Variants in SEMA3E observed in about 807,000 individuals in gnomAD.
SEMA3E encodes semaphorin 3E, also known as semaphorin-3E.
A neutral mutation model predicts 93.6 loss-of-function variants in SEMA3E; 49 were observed. The observed-to-expected ratio is 0.52, with a 90% confidence interval of 0.42 to 0.66. SEMA3E has a LOEUF of 0.66. SEMA3E is among the 30% of genes least tolerant of loss of function. SEMA3E has a pLI of 0.00. For synonymous variants in SEMA3E, 363 were observed against 330.7 expected (o/e 1.10, Z -1.06); for missense variants, 906 against 964.8 (o/e 0.94, Z 0.81).
At position 83,648,111 on chromosome 7, in the gene SEMA3E, A is replaced by G. The variant is rs73708519; in HGVS notation, c.115+317T>C. On this transcript the variant is annotated intron_variant, in intron 1 of 16. Transcript: ENST00000643230. ...TTGGTGGATTCAGCCTCTCAAGGCT[A>G]TTTTCAACCTGCTTCCTCCCTTCCT... 9.1e-3 allele frequency among the ~76,000 whole-genome samples: 1,384 copies of G among 152,252 alleles called. 19 individuals carry two copies. Among genetic ancestry groups the G allele is most frequent in the African/African-American group, 0.032 (1,316 of 41,550 alleles).
chr7:83,639,744 G>A (rs1793964846), intron 1 of SEMA3E, among the ~76,000 whole-genome samples: 2 of 150,224 alleles, frequency 1.3e-5, no homozygotes, highest in South Asian at 2.1e-4. Context: ...GCCTCAGTTC[G>A]ATGATTTAGC....
intron 4 of SEMA3E, among the ~76,000 whole-genome samples, chr7:83,444,804 G>A (rs966547599): frequency 4.0e-5 from 6 of 151,704 alleles, no homozygotes; most frequent in East Asian, 1.9e-4. Flanking sequence ...CAGAGCAGCC[G>A]GGACTACAGG....
chr7:83,375,739 T>C (rs10808304), intron 16 of SEMA3E, among the ~76,000 whole-genome samples: 144,595 of 152,072 alleles, frequency 0.95, 69,170 homozygotes, highest in East Asian at 1. Flanking sequence ...ATAACTGATA[T>C]CATAGATCTA....
At chr7:83,466,095 TTA>T (rs2115878816) in intron 4 of SEMA3E, among the ~76,000 whole-genome samples, 1 of 152,310 alleles carries the variant, frequency 6.6e-6, no homozygotes, top group South Asian at 2.1e-4. Flanking sequence ...TTGTAAAATA[TTA>T]TATTTTATTT....
chr7:83,647,969 T>C (rs1005402481), intron 1 of SEMA3E, among the ~76,000 whole-genome samples: 7 of 152,290 alleles, frequency 4.6e-5, no homozygotes, highest in African/African-American at 1.4e-4. Flanking sequence ...ACCTCCATTA[T>C]GGAAACAAAA....
chr7:83,400,098 G>T lies in SEMA3E; in HGVS notation c.1296C>A (p.Asn432Lys), dbSNP rs769637710. The T allele has an allele frequency of 3.7e-6, 6 of 1,613,974 alleles. No homozygotes were observed. The highest frequency in any genetic ancestry group is 3.3e-4 in the Middle Eastern group (2 of 6,058). ...PILVKTDGKY[N>K]LKQIAVDRVE... ...CTCGATCTACTGCTATTTGTTTCAG[G>T]TTATATTTTCCATCTGTTTTTACCA... The change falls in exon 11 of 17, where the codon AAC (asparagine) becomes AAA (lysine). Residue 432 changes from asparagine (N) to lysine (K), a missense_variant. Asn to Lys is a moderately conservative substitution (Grantham distance 94). Transcript: ENST00000643230.
At chr7:83,595,177 C>CT (rs1792844185) in intron 1 of SEMA3E, among the ~76,000 whole-genome samples, 1 of 151,976 alleles carries the variant, frequency 6.6e-6, no homozygotes, top group African/African-American at 2.4e-5. Context: ...AAGATTTCTT[C>CT]TTTTAAATAA....
intron 1 of SEMA3E, among the ~76,000 whole-genome samples, chr7:83,504,747 C>T (rs1053141093): frequency 2.0e-5 from 3 of 152,082 alleles, no homozygotes; most frequent in Admixed American, 6.5e-5. Context: ...GCAAATAGTA[C>T]CTAAGAAGAC....
intron 2 of SEMA3E, among the ~76,000 whole-genome samples, chr7:83,486,532 C>T (rs114103401): frequency 0.012 from 1,818 of 152,156 alleles, 41 homozygotes; most frequent in African/African-American, 0.04. Context: ...TGGTGAGCAC[C>T]GAAGAACTGA....
intron 2 of SEMA3E, among the ~76,000 whole-genome samples, chr7:83,488,786 G>C (rs1162921198): frequency 6.6e-6 from 1 of 152,022 alleles, no homozygotes; most frequent in Non-Finnish European, 1.5e-5. Flanking sequence ...GGAGCATGGA[G>C]GATACCTTCA....
chr7:83,461,168 G>A (rs1314509365), intron 4 of SEMA3E, among the ~76,000 whole-genome samples: 1 of 152,074 alleles, frequency 6.6e-6, no homozygotes, highest in Non-Finnish European at 1.5e-5. Flanking sequence ...GGTGCCTGAT[G>A]TCCAGACATT....
rs547656329 is a variant in SEMA3E, at chr7:83,390,506, A to G, written c.1667+2049T>C. On this transcript the variant is annotated intron_variant, in intron 14 of 16. Transcript: ENST00000643230. Reference sequence around the variant, plus strand: ...TTTAAACAAGTGGTTTGGATTGTGAATTACTGTTTTTCCCCTGTTGACTCA... The same window carrying G: ...TTTAAACAAGTGGTTTGGATTGTGAGTTACTGTTTTTCCCCTGTTGACTCA... Among the ~76,000 whole-genome samples the G allele has an allele frequency of 3.3e-5, 5 of 152,244 alleles. No individual in the cohort carries two copies. In the South Asian group the frequency reaches 1.0e-3, roughly 32 times the overall value.
intron 16 of SEMA3E, among the ~76,000 whole-genome samples, chr7:83,370,422 A>G (rs1290625080): frequency 6.6e-6 from 1 of 151,976 alleles, no homozygotes; most frequent in Non-Finnish European, 1.5e-5. Context: ...ACAAATTCCT[A>G]TTTACATTTC....
rs372592953 is a variant in SEMA3E at position 83,435,986 on chromosome 7, T to C, written c.457-17503A>G. Among the ~76,000 whole-genome samples the C allele has an allele frequency of 6.6e-5, 10 of 152,302 alleles. No individual in the cohort carries two copies. In the South Asian group the frequency reaches 1.9e-3, roughly 28 times the overall value. On this transcript the variant is annotated intron_variant, in intron 4 of 16. Coordinates refer to ENST00000643230, the MANE Select transcript of SEMA3E (RefSeq NM_012431.3). ...GTTGAGCTCATGTTGGAGCCTTTCTTTGTATAGATTACATTGATGTTAAAT... is the reference window on the plus strand; with the variant it reads ...GTTGAGCTCATGTTGGAGCCTTTCTCTGTATAGATTACATTGATGTTAAAT...
chr7:83,507,942 C>G (rs1258408773), intron 1 of SEMA3E, among the ~76,000 whole-genome samples: 1 of 151,792 alleles, frequency 6.6e-6, no homozygotes, highest in South Asian at 2.1e-4. Flanking sequence ...AAAGCAAAAC[C>G]CTGTCTCACA....
intron 16 of SEMA3E, among the ~76,000 whole-genome samples, chr7:83,381,565 G>T (rs1787780258): frequency 6.6e-6 from 1 of 151,370 alleles, no homozygotes; most frequent in African/African-American, 2.4e-5. Context: ...ATCATTATCT[G>T]ATATATTTAA....
chr7:83,604,741 C>T (rs956193162), intron 1 of SEMA3E, among the ~76,000 whole-genome samples: 2 of 151,962 alleles, frequency 1.3e-5, no homozygotes, highest in Non-Finnish European at 2.9e-5. Flanking sequence ...AGGTTTTAAG[C>T]CCCACATGCA....
Position 83,593,246 on chromosome 7 carries a change from TTCTC to T in SEMA3E, c.115+55178_115+55181del, listed in dbSNP as rs200690853. On this transcript the variant is annotated intron_variant, in intron 1 of 16. Transcript: ENST00000643230. The stretch of plus-strand genomic sequence containing the variant: ...CCTCTCTCTCTCTCTCTTTCGCTCT[TTCTC>T]TCTCTCTCTGTCTCTCTCTCTCTCT... Among the ~76,000 whole-genome samples the T allele has an allele frequency of 4.0e-3, 399 of 99,708 alleles. 1 individual carries two copies. Among genetic ancestry groups the T allele is most frequent in the Middle Eastern group, 0.035 (5 of 144 alleles). 65.4% of individuals were successfully genotyped at this position (99,708 alleles called of 152,430 possible).
At chr7:83,642,818 G>A (rs1462030969) in intron 1 of SEMA3E, among the ~76,000 whole-genome samples, 1 of 151,822 alleles carries the variant, frequency 6.6e-6, no homozygotes, top group East Asian at 1.9e-4. Context: ...TATTATAAAT[G>A]GTATAATTTT....
Sources: gnomAD v4.1 joint callset for allele counts (sites outside exome capture counted in the v4.1 genomes callset) on GRCh38, gnomAD v4.1.1 for gene constraint, MANE v1.5 for transcripts, NCBI Gene and HGNC (gene_info 2026-07-23, HGNC 2026-07-21) for gene names.